GRID2: variants seen among roughly 807,000 people sequenced by gnomAD.
GRID2 encodes the protein glutamate ionotropic receptor delta type subunit 2, also known as glutamate receptor ionotropic, delta-2.
GRID2 carries 33 observed loss-of-function variants against 114.8 expected under a neutral mutation model. That is an observed-to-expected ratio of 0.29 (90% CI 0.22 to 0.38). The LOEUF (loss-of-function observed/expected upper bound fraction) is 0.38, where lower values mean the gene tolerates loss of function less well. GRID2 is among the 10% of genes least tolerant of loss of function. The pLI, the probability that GRID2 is intolerant of heterozygous loss-of-function variation, is 1.00. For missense variants in GRID2, 1,184 were observed against 1,257.7 expected (o/e 0.94, Z 0.89); for synonymous variants, 505 against 449.9 (o/e 1.12, Z -1.55).
chr4:93,671,201 G>A (rs1724380752), intron 14 of GRID2, among the ~76,000 whole-genome samples: 2 of 152,174 alleles, frequency 1.3e-5, no homozygotes, highest in Admixed American at 1.3e-4. Context: ...AGCACTCTGA[G>A]CAGAGTGACG....
chr4:92,809,529 G>T (rs1398089510), intron 2 of GRID2, among the ~76,000 whole-genome samples: 1 of 151,798 alleles, frequency 6.6e-6, no homozygotes, highest in Non-Finnish European at 1.5e-5. Flanking sequence ...TCAAATCCTA[G>T]ATTCTTAGAT....
intron 13 of GRID2, among the ~76,000 whole-genome samples, chr4:93,615,029 C>T (rs373818251): frequency 3.3e-5 from 5 of 152,114 alleles, no homozygotes; most frequent in Non-Finnish European, 5.9e-5. Flanking sequence ...CTTTGGTGTG[C>T]AATGCTGCTC....
chr4:93,526,530 C>T (rs1052197886), intron 13 of GRID2, among the ~76,000 whole-genome samples: 2 of 152,186 alleles, frequency 1.3e-5, no homozygotes, highest in African/African-American at 2.4e-5. Context: ...TTTAAACAGG[C>T]CGGGCGCTGT....
intron 14 of GRID2, among the ~76,000 whole-genome samples, chr4:93,760,920 C>T (rs1733152303): frequency 6.6e-6 from 1 of 152,122 alleles, no homozygotes. Context: ...AAATACAACC[C>T]TCAGAAGACA....
At chr4:92,697,010 C>G (rs1734452009) in intron 2 of GRID2, among the ~76,000 whole-genome samples, 1 of 152,144 alleles carries the variant, frequency 6.6e-6, no homozygotes, top group Non-Finnish European at 1.5e-5. Context: ...CTCAATGACC[C>G]TTGTGAAATG....
chr4:93,415,388 A>C (rs1181884190), intron 9 of GRID2, among the ~76,000 whole-genome samples: 1 of 152,134 alleles, frequency 6.6e-6, no homozygotes, highest in Non-Finnish European at 1.5e-5. Context: ...TTACTAATAT[A>C]ATGAAAACTT....
chr4:93,781,117 A>G (rs116195293), intron 1 of GRID2, among the ~76,000 whole-genome samples: 1 of 152,200 alleles, frequency 6.6e-6, no homozygotes, highest in Non-Finnish European at 1.5e-5. Context: ...CAGAATATCT[A>G]GTTTGTTAAT....
intron 2 of GRID2, among the ~76,000 whole-genome samples, chr4:92,997,890 C>A (rs1038558660): frequency 6.6e-6 from 1 of 151,774 alleles, no homozygotes; most frequent in African/African-American, 2.4e-5. Context: ...AAAAGAACAG[C>A]AAAACATAAT....
chr4:92,996,714 C>T (rs565829031), intron 2 of GRID2, among the ~76,000 whole-genome samples: 1 of 152,230 alleles, frequency 6.6e-6, no homozygotes, highest in African/African-American at 2.4e-5. Flanking sequence ...TTTTCAAGGT[C>T]TGAAATGATA....
rs186657867 is a variant in GRID2 at position 93,077,440 on chromosome 4, G to T, written c.245-7555G>T. Among the ~76,000 whole-genome samples, 28 of 152,004 alleles carry T rather than the reference G, an allele frequency of 1.8e-4. No homozygotes were observed. The East Asian group carries it at 2.9e-3, about 16-fold the overall frequency. The stretch of plus-strand genomic sequence containing the variant: ...TTACTTTTATGGGATATAATTTTCT[G>T]GACTATATTAAATATTCTGTCATTC... On this transcript the variant is annotated intron_variant, in intron 2 of 15. Transcript: ENST00000282020.
chr4:93,351,817 A>G lies in GRID2; in HGVS notation c.1246-43790A>G, dbSNP rs1417372328. On this transcript the variant is annotated intron_variant, in intron 8 of 15. Transcript: ENST00000282020. ...AATAAGGATTAGAGCCAGATTTTAAATCTAAATTTATTTAACTTCAGAGAA... is the reference window on the plus strand; with the variant it reads ...AATAAGGATTAGAGCCAGATTTTAAGTCTAAATTTATTTAACTTCAGAGAA... Among the ~76,000 whole-genome samples, 8 of 152,214 alleles carry G rather than the reference A, an allele frequency of 5.3e-5. No homozygotes were observed. The East Asian group carries it at 1.4e-3, about 26-fold the overall frequency.
chr4:92,946,966 C>A (rs1047893011), intron 2 of GRID2, among the ~76,000 whole-genome samples: 5 of 151,984 alleles, frequency 3.3e-5, no homozygotes, highest in African/African-American at 1.2e-4. Context: ...ACTCACATGT[C>A]CTTACTCTGA....
In GRID2 at chr4:93,386,718, A is replaced by G. The variant is rs183978615; in HGVS notation, c.1246-8889A>G. The stretch of plus-strand genomic sequence containing the variant: ...CCAAACAAAAAGTTCCTATGGTTTT[A>G]TGGACCTAAGGGCAGGAGAAGAAGC... On this transcript the variant is annotated intron_variant, in intron 8 of 15. Coordinates refer to ENST00000282020, the MANE Select transcript of GRID2 (RefSeq NM_001510.4). 3.4e-4 allele frequency among the ~76,000 whole-genome samples: 51 copies of G among 152,216 alleles called. No individual in the cohort carries two copies. In the East Asian group the frequency reaches 9.1e-3, roughly 27 times the overall value.
At chr4:93,305,167 CA>C (rs1466285435) in intron 8 of GRID2, among the ~76,000 whole-genome samples, 3 of 152,110 alleles carry the variant, frequency 2.0e-5, no homozygotes, top group Non-Finnish European at 4.4e-5. Flanking sequence ...GGGAGGAAAT[CA>C]TGGGGCAAAG....
chr4:93,710,570 A>G (rs796507318), intron 14 of GRID2, among the ~76,000 whole-genome samples: 1 of 152,300 alleles, frequency 6.6e-6, no homozygotes, highest in African/African-American at 2.4e-5. Flanking sequence ...GCCTGTAACA[A>G]CTATTATCTG....
intron 1 of GRID2, among the ~76,000 whole-genome samples, chr4:92,483,341 ATAATAATAATAC>A (rs1722709276): frequency 1.3e-5 from 2 of 152,130 alleles, no homozygotes; most frequent in African/African-American, 2.4e-5. Context: ...CTGTCTCACA[ATAATAATAATAC>A]TAATAATAAT....
chr4:92,422,558 G>T (rs989472152), intron 1 of GRID2, among the ~76,000 whole-genome samples: 42 of 152,068 alleles, frequency 2.8e-4, no homozygotes, highest in African/African-American at 9.9e-4. Flanking sequence ...GGTAGGAGAT[G>T]AAATCACAGG....
At chr4:92,501,654 A>G (rs1560673950) in intron 1 of GRID2, among the ~76,000 whole-genome samples, 1 of 152,140 alleles carries the variant, frequency 6.6e-6, no homozygotes, top group Non-Finnish European at 1.5e-5. Flanking sequence ...AAATCATGCC[A>G]GCAGCCTCCA....
chr4:92,609,080 G>GT (rs900397760), intron 2 of GRID2, among the ~76,000 whole-genome samples: 1 of 151,726 alleles, frequency 6.6e-6, no homozygotes, highest in Non-Finnish European at 1.5e-5. Context: ...AAGATGAAGT[G>GT]TTAGAGGATT....
Sources: allele counts gnomAD v4.1 joint callset (sites outside exome capture counted in the v4.1 genomes callset), GRCh38; gene constraint gnomAD v4.1.1; transcripts MANE v1.5; gene names NCBI Gene and HGNC (gene_info 2026-07-23, HGNC 2026-07-21).